ALK: variants seen among roughly 807,000 people sequenced by gnomAD.
The protein encoded by ALK is ALK receptor tyrosine kinase, also known as ALK tyrosine kinase receptor.
In ALK, 74 loss-of-function variants were observed where a neutral mutation model predicts 163.1. The observed-to-expected ratio is 0.45, with a 90% CI of 0.38 to 0.55. The LOEUF (loss-of-function observed/expected upper bound fraction) is 0.55. ALK is among the 20% of genes least tolerant of loss of function. The probability of loss-of-function intolerance (pLI) is 0.00; values close to 1 mark genes in which losing one functional copy is unlikely to be tolerated. For missense variants in ALK, 2,063 were observed against 2,105.3 expected (o/e 0.98, Z 0.39); for synonymous variants, 960 against 843.2 (o/e 1.14, Z -2.40).
chr2:29,263,124 G>C (rs1053791452), intron 11 of ALK, among the ~76,000 whole-genome samples: 1 of 152,232 alleles, frequency 6.6e-6, no homozygotes, highest in Non-Finnish European at 1.5e-5. Context: ...GTGGGAAGTG[G>C]TTGGTGGTTT....
chr2:29,685,639 C>CTGGCCT (rs1469521258), intron 3 of ALK, among the ~76,000 whole-genome samples: 1 of 152,102 alleles, frequency 6.6e-6, no homozygotes, highest in Non-Finnish European at 1.5e-5. Flanking sequence ...AGCCCTGGCC[C>CTGGCCT]TGGCCCTGGC....
intron 2 of ALK, among the ~76,000 whole-genome samples, chr2:29,711,402 CCT>C (rs1464405585): frequency 3.3e-5 from 5 of 152,220 alleles, no homozygotes; most frequent in Admixed American, 6.5e-5. Flanking sequence ...GGTCCTCCCT[CCT>C]CTGTGTTCCT....
intron 11 of ALK, among the ~76,000 whole-genome samples, chr2:29,271,799 G>A (rs535655528): frequency 4.6e-5 from 7 of 152,356 alleles, no homozygotes; most frequent in South Asian, 2.1e-4. Context: ...CGAGAGATGT[G>A]TATGCAGAAA....
At chr2:29,342,877 CTTTTTTTTTTTTT>C (rs57838065) in intron 5 of ALK, among the ~76,000 whole-genome samples, 5 of 90,452 alleles carry the variant, frequency 5.5e-5, no homozygotes, top group African/African-American at 8.9e-5. Context: ...GCTCAGTGAT[CTTTTTTTTTTTTT>C]TTTTTTTTTT....
chr2:29,784,694 T>A (rs1315675112), intron 1 of ALK, among the ~76,000 whole-genome samples: 4 of 99,918 alleles, frequency 4.0e-5, no homozygotes, highest in Admixed American at 1.3e-4. Flanking sequence ...GACCTCCGTC[T>A]CAACAACAAC....
intron 3 of ALK, among the ~76,000 whole-genome samples, chr2:29,631,523 G>C (rs929382277): frequency 7.2e-5 from 11 of 152,240 alleles, no homozygotes; most frequent in Admixed American, 5.2e-4. Flanking sequence ...CACAGGACTG[G>C]AACAGGAGTT....
chr2:29,540,375 T>C, intron 3 of ALK, among the ~76,000 whole-genome samples: 1 of 151,946 alleles, frequency 6.6e-6, no homozygotes, highest in Non-Finnish European at 1.5e-5. Context: ...AGCCTCGAGG[T>C]TTTAAAAAGT....
intron 4 of ALK, among the ~76,000 whole-genome samples, chr2:29,472,122 C>T (rs191033118): frequency 4.1e-4 from 63 of 152,304 alleles, no homozygotes; most frequent in African/African-American, 1.4e-3. Context: ...ACCCACTCAC[C>T]ATGGTATGAG....
At chr2:29,378,671 T>C (rs1024594954) in intron 5 of ALK, among the ~76,000 whole-genome samples, 5 of 152,110 alleles carry the variant, frequency 3.3e-5, no homozygotes, top group African/African-American at 1.2e-4. Flanking sequence ...CTGTGCATTT[T>C]TAGGAGCTGT....
intron 1 of ALK, among the ~76,000 whole-genome samples, chr2:29,908,691 T>C (rs1427649845): frequency 6.6e-6 from 1 of 152,230 alleles, no homozygotes; most frequent in African/African-American, 2.4e-5. Context: ...CTACTGCTCA[T>C]CTGCCTTTAA....
chr2:29,633,491 A>G (rs1399276478), intron 3 of ALK, among the ~76,000 whole-genome samples: 3 of 152,034 alleles, frequency 2.0e-5, no homozygotes, highest in African/African-American at 4.8e-5. Flanking sequence ...CAAATCAACA[A>G]TCTATGCTCC....
intron 3 of ALK, among the ~76,000 whole-genome samples, chr2:29,556,467 C>G (rs1673863729): frequency 6.6e-6 from 1 of 152,140 alleles, no homozygotes; most frequent in South Asian, 2.1e-4. Flanking sequence ...GTGTTACTGT[C>G]AAGACAACTT....
At position 29,225,401 on chromosome 2, in the gene ALK, G is replaced by A. The variant is rs776878980; in HGVS notation, c.3172+60C>T. On this transcript the variant is annotated intron_variant, in intron 19 of 28. Transcript: ENST00000389048. ...CCTTGGCACCTGTGGCACAGCCTGAGACACTATTCAGTCCTGCCTTCCTGC... is the reference window on the plus strand; with the variant it reads ...CCTTGGCACCTGTGGCACAGCCTGAAACACTATTCAGTCCTGCCTTCCTGC... The A allele has an allele frequency of 3.5e-5, 49 of 1,416,980 alleles. No individual in the cohort carries two copies. In the Admixed American group the frequency reaches 5.1e-4, roughly 15 times the overall value. The allele number at this position is 1,416,980 out of a possible 1,614,324, so 87.8% of individuals were successfully genotyped here.
rs2148141715 is a variant in ALK at position 29,196,779 on chromosome 2, G to A, written c.4155C>T (p.Tyr1385=). The A allele has an allele frequency of 6.2e-7, 1 of 1,613,116 alleles. No individual in the cohort carries two copies. The highest frequency in any genetic ancestry group is 8.5e-7 in the Non-Finnish European group (1 of 1,179,006). The change falls in exon 28 of 29, where the codon TAC becomes TAT. Residue 1385 remains tyrosine (Y), a synonymous_variant. Coordinates refer to ENST00000389048, the MANE Select transcript of ALK (RefSeq NM_004304.5). ...GGAGAAAATGTTTTACCTGGGTGCAGTATTCAATCCTCTCCAAAATGATGG... is the reference window on the plus strand; with the variant it reads ...GGAGAAAATGTTTTACCTGGGTGCAATATTCAATCCTCTCCAAAATGATGG... The part of the protein sequence containing the change: ...NFAIILERIE[Y]CTQDPDVINT...
At chr2:29,348,396 C>A (rs780837031) in intron 5 of ALK, among the ~76,000 whole-genome samples, 1 of 152,186 alleles carries the variant, frequency 6.6e-6, no homozygotes, top group African/African-American at 2.4e-5. Context: ...TGTGCATCCT[C>A]GGGGCACCCA....
intron 9 of ALK, among the ~76,000 whole-genome samples, chr2:29,286,070 A>G (rs1484646929): frequency 6.6e-6 from 1 of 152,072 alleles, no homozygotes; most frequent in Non-Finnish European, 1.5e-5. Context: ...CCATTTCTCT[A>G]AGACTTAAAT....
intron 1 of ALK, among the ~76,000 whole-genome samples, chr2:29,723,553 T>C (rs1679480551): frequency 6.6e-6 from 1 of 152,230 alleles, no homozygotes; most frequent in African/African-American, 2.4e-5. Flanking sequence ...AATAAATATT[T>C]GTCAAATAAA....
intron 1 of ALK, among the ~76,000 whole-genome samples, chr2:29,870,554 C>T (rs1370679046): frequency 2.0e-5 from 3 of 152,194 alleles, no homozygotes; most frequent in South Asian, 2.1e-4. Flanking sequence ...CCATATCAAC[C>T]ACCATTAAAG....
chr2:29,752,426 T>C (rs940069731), intron 1 of ALK, among the ~76,000 whole-genome samples: 2 of 149,150 alleles, frequency 1.3e-5, no homozygotes, highest in African/African-American at 2.5e-5. Context: ...CTCGACTCAC[T>C]GCAAGCTCCG....
Sources: allele counts gnomAD v4.1 joint callset (sites outside exome capture counted in the v4.1 genomes callset), GRCh38; gene constraint gnomAD v4.1.1; transcripts MANE v1.5; gene names NCBI Gene and HGNC (gene_info 2026-07-23, HGNC 2026-07-21).